SCGN: variants seen among roughly 807,000 people sequenced by gnomAD.
SCGN encodes the protein secretagogin, EF-hand calcium binding protein.
SCGN carries 30 observed loss-of-function variants against 39.7 expected under a neutral mutation model. The ratio of observed to expected loss-of-function variants is 0.76; its 90% CI spans 0.57 to 1.03. The LOEUF (loss-of-function observed/expected upper bound fraction) is 1.03, where lower values mean the gene tolerates loss of function less well. SCGN is among the 50% of genes least tolerant of loss of function. The pLI, the probability that SCGN is intolerant of heterozygous loss-of-function variation, is 0.00. For missense variants in SCGN, 353 were observed against 349.4 expected, an observed-to-expected ratio of 1.01 and a Z score of -0.08; for synonymous variants, 106 against 114.1, an observed-to-expected ratio of 0.93 and a Z score of 0.45.
At chr6:25,670,647 A>G (rs1759486248) in intron 6 of SCGN, among the ~76,000 whole-genome samples, 1 of 152,244 alleles carries the variant, frequency 6.6e-6, no homozygotes, top group Non-Finnish European at 1.5e-5. Context: ...CATATGAAGC[A>G]CTTGCATACT....
intron 6 of SCGN, among the ~76,000 whole-genome samples, chr6:25,670,770 G>A (rs574785863): frequency 5.6e-4 from 85 of 152,242 alleles, no homozygotes; most frequent in African/African-American, 1.9e-3. Flanking sequence ...CAAGCTCCAT[G>A]GAGAGTAGTA....
intron 10 of SCGN, among the ~76,000 whole-genome samples, chr6:25,694,093 A>C (rs1023846842): frequency 1.3e-5 from 2 of 152,268 alleles, no homozygotes; most frequent in East Asian, 3.8e-4. Flanking sequence ...ATTGATCTGG[A>C]AAGTGATATA....
At chr6:25,685,990 T>A (rs948475208) in intron 7 of SCGN, among the ~76,000 whole-genome samples, 8 of 152,214 alleles carry the variant, frequency 5.3e-5, no homozygotes, top group African/African-American at 1.9e-4. Flanking sequence ...ATAAATGGAA[T>A]CACACAATAT....
At chr6:25,699,336 C>T (rs576579325) in intron 10 of SCGN, among the ~76,000 whole-genome samples, 14 of 152,070 alleles carry the variant, frequency 9.2e-5, no homozygotes, top group Admixed American at 5.2e-4. Flanking sequence ...GGACTCTAAT[C>T]CCAGCACTTT....
At chr6:25,659,561 T>C (rs1760296994) in intron 2 of SCGN, among the ~76,000 whole-genome samples, 1 of 152,230 alleles carries the variant, frequency 6.6e-6, no homozygotes, top group Admixed American at 6.5e-5. Context: ...TTCTTCTTTA[T>C]TCTTTTGCTT....
chr6:25,654,788 T>C (rs1760198162), intron 2 of SCGN, among the ~76,000 whole-genome samples: 1 of 152,156 alleles, frequency 6.6e-6, no homozygotes, highest in Admixed American at 6.5e-5. Flanking sequence ...GTACCTTTTA[T>C]TGCTCTTTGT....
At chr6:25,674,097 C>T (rs1759535308) in intron 6 of SCGN, among the ~76,000 whole-genome samples, 1 of 152,106 alleles carries the variant, frequency 6.6e-6, no homozygotes, top group Non-Finnish European at 1.5e-5. Context: ...CAGAAATCTG[C>T]CCCCATGATT....
chr6:25,670,800 G>A (rs572672363), intron 6 of SCGN, among the ~76,000 whole-genome samples: 1 of 152,120 alleles, frequency 6.6e-6, no homozygotes, highest in Non-Finnish European at 1.5e-5. Context: ...GCTGCCTTTG[G>A]CGAACTCATC....
Position 25,699,122 on chromosome 6 carries a change from G to A in SCGN, c.703-2085G>A, listed in dbSNP as rs190005312. 1.6e-3 allele frequency among the ~76,000 whole-genome samples: 237 copies of A among 152,176 alleles called. 2 individuals are homozygous for A. Among genetic ancestry groups the A allele is most frequent in the Admixed American group, 4.6e-3 (70 of 15,280 alleles). ...CCAGAGCCCCTGAAATCAAACCTGC[G>A]GGTCGCTGCCTTCTCTATTCACTCA... On this transcript the variant is annotated intron_variant, in intron 10 of 10. Transcript: ENST00000377961.
At chr6:25,658,003 C>CTTTTTTTTTTTTTT (rs759915721) in intron 2 of SCGN, among the ~76,000 whole-genome samples, 5 of 70,404 alleles carry the variant, frequency 7.1e-5, no homozygotes, top group South Asian at 4.7e-4. Flanking sequence ...GAAAGGTATC[C>CTTTTTTTTTTTTTT]TTTTTTTTTT....
intron 9 of SCGN, among the ~76,000 whole-genome samples, chr6:25,690,458 C>G (rs1339201043): frequency 2.0e-5 from 3 of 151,790 alleles, no homozygotes; most frequent in Non-Finnish European, 2.9e-5. Context: ...TAAGAAATCA[C>G]AAAGAGAGTA....
chr6:25,661,786 A>C lies in SCGN; in HGVS notation c.246+142A>C, dbSNP rs1030478628. On this transcript the variant is annotated intron_variant, in intron 3 of 10. Coordinates refer to ENST00000377961, the MANE Select transcript of SCGN (RefSeq NM_006998.4). ...AGGAAATTAGAGATTTCTGAAAGGC[A>C]GTTGGCCTAGATAGCATTTTAAAAG... 36 of 576,244 alleles carry C rather than the reference A, an allele frequency of 6.2e-5. No individual in the cohort carries two copies. The African/African-American group carries it at 6.5e-4, about 10-fold the overall frequency. The allele number at this position is 576,244 out of a possible 1,614,324, so 35.7% of individuals were successfully genotyped here. A position where few individuals can be genotyped will look rare whatever the true frequency, so the allele number is the denominator to read the frequency against.
At chr6:25,673,801 T>C (rs1268844117) in intron 6 of SCGN, among the ~76,000 whole-genome samples, 2 of 152,140 alleles carry the variant, frequency 1.3e-5, no homozygotes, top group Non-Finnish European at 2.9e-5. Flanking sequence ...TATAAAGAAA[T>C]ACCTGTGACT....
Position 25,682,026 on chromosome 6 carries a change from T to TA in SCGN, c.527+21dup. On this transcript the variant is annotated intron_variant, in intron 7 of 10. Transcript: ENST00000377961. ...AGCAAGGTGAGTTACATGGAAATGA[T>TA]ATCATACATTCAGAAATACCTTACT... The TA allele has an allele frequency of 6.3e-7, 1 of 1,581,950 alleles. No individual in the cohort carries two copies. The highest frequency in any genetic ancestry group is 8.7e-7 in the Non-Finnish European group (1 of 1,150,654).
At position 25,666,685 on chromosome 6, in the gene SCGN, G is replaced by C. The variant is rs187273530; in HGVS notation, c.336+1653G>C. On this transcript the variant is annotated intron_variant, in intron 4 of 10. Transcript: ENST00000377961. ...AAATATTTAATGACATGAAGGAAAT[G>C]CTATACAATGTTAAGAAACAAAATT... Among the ~76,000 whole-genome samples the C allele has an allele frequency of 3.0e-3, 454 of 152,244 alleles. 1 individual carries two copies. The highest frequency in any genetic ancestry group is 6.8e-3 in the Middle Eastern group (2 of 294).
chr6:25,659,747 T>A lies in SCGN; in HGVS notation c.154-1805T>A, dbSNP rs77267625. ...TCACTGGAAAACATTTGCCATATGCTGTCTTCCCTGGGTTTTATGCCTGAG... is the reference window on the plus strand; with the variant it reads ...TCACTGGAAAACATTTGCCATATGCAGTCTTCCCTGGGTTTTATGCCTGAG... On this transcript the variant is annotated intron_variant, in intron 2 of 10. Coordinates refer to ENST00000377961, the MANE Select transcript of SCGN (RefSeq NM_006998.4). Among the ~76,000 whole-genome samples, 1,368 of 152,334 alleles carry A rather than the reference T, an allele frequency of 9.0e-3. 17 individuals carry two copies. The highest frequency in any genetic ancestry group is 0.03 in the African/African-American group (1,236 of 41,582).
Position 25,681,935 on chromosome 6 carries a change from C to T in SCGN, c.472-16C>T. On this transcript the variant is annotated splice_polypyrimidine_tract_variant and intron_variant, in intron 6 of 10. Coordinates refer to ENST00000377961, the MANE Select transcript of SCGN (RefSeq NM_006998.4). ...TTCCTGTTACAAGTACAACCATTTT[C>T]CCTTCTGCATTTCAGATGAAGATTT... The T allele has an allele frequency of 6.2e-7, 1 of 1,607,780 alleles. No individual in the cohort carries two copies. Among genetic ancestry groups the T allele is most frequent in the Non-Finnish European group, 8.5e-7 (1 of 1,174,216 alleles).
At chr6:25,696,057 C>T (rs527675996) in intron 10 of SCGN, among the ~76,000 whole-genome samples, 21 of 152,234 alleles carry the variant, frequency 1.4e-4, no homozygotes, top group Admixed American at 8.5e-4. Context: ...TGATGGACAA[C>T]CCATTTGCTT....
chr6:25,687,425 T>C lies in SCGN; in HGVS notation c.528-1747T>C, dbSNP rs542488988. Among the ~76,000 whole-genome samples the C allele has an allele frequency of 1.3e-4, 20 of 152,296 alleles. No homozygotes were observed. The South Asian group carries it at 3.9e-3, about 30-fold the overall frequency. The stretch of plus-strand genomic sequence containing the variant: ...CTTTTGTTAAATTTATTAAATATTT[T>C]ATTCTTTTTGATGCTATCATGAAAC... On this transcript the variant is annotated intron_variant, in intron 7 of 10. Transcript: ENST00000377961.
Sources: allele counts gnomAD v4.1 joint callset (sites outside exome capture counted in the v4.1 genomes callset), GRCh38; gene constraint gnomAD v4.1.1; transcripts MANE v1.5; gene names NCBI Gene and HGNC (gene_info 2026-07-23, HGNC 2026-07-21).